Variants in CD163L1 observed in about 807,000 individuals in gnomAD.
CD163L1 encodes CD163 molecule like 1.
Under a neutral mutation model 165.4 loss-of-function variants are expected in CD163L1, and 124 were observed. That is an observed-to-expected ratio of 0.75 (90% CI 0.65 to 0.87). The LOEUF (loss-of-function observed/expected upper bound fraction) is 0.87. CD163L1 is among the 40% of genes least tolerant of loss of function. CD163L1 has a pLI of 0.00. For synonymous variants in CD163L1, 585 were observed against 662.2 expected (o/e 0.88, Z 1.79); for missense variants, 1,525 against 1,799.9 (o/e 0.85, Z 2.76).
At chr12:7,336,686 CACAA>C in the CD163L1 span, among the ~76,000 whole-genome samples, 3 of 151,800 alleles carry the variant, frequency 2.0e-5, no homozygotes, top group African/African-American at 7.3e-5. Context: ...AAAAAGAGGA[CACAA>C]ACAAATGGAA....
At chr12:7,421,051 ATATACG>A (rs1378772376) in intron 4 of CD163L1, among the ~76,000 whole-genome samples, 2 of 95,318 alleles carry the variant, frequency 2.1e-5, no homozygotes, top group Admixed American at 2.4e-4. Flanking sequence ...ATATATATGT[ATATACG>A]TATATATGTA....
chr12:7,345,515 T>C (rs1007622605), downstream of CD163L1, among the ~76,000 whole-genome samples: 1 of 152,248 alleles, frequency 6.6e-6, no homozygotes, highest in Non-Finnish European at 1.5e-5. Context: ...TCACAACCAT[T>C]TAACCAGTCT....
At chr12:7,419,027 A>G (rs1045416249) in intron 4 of CD163L1, among the ~76,000 whole-genome samples, 1 of 152,040 alleles carries the variant, frequency 6.6e-6, no homozygotes, top group Non-Finnish European at 1.5e-5. Flanking sequence ...CATCCTGTGA[A>G]GCCAGTATCA....
At chr12:7,381,690 TG>T (rs1947412151) in intron 8 of CD163L1, among the ~76,000 whole-genome samples, 3 of 152,090 alleles carry the variant, frequency 2.0e-5, no homozygotes, top group African/African-American at 7.2e-5. Context: ...TATAATTTTG[TG>T]TGTGGTGGTG....
chr12:7,352,558 G>A (rs141706373), downstream of CD163L1, among the ~76,000 whole-genome samples: 2 of 152,232 alleles, frequency 1.3e-5, no homozygotes, highest in Non-Finnish European at 2.9e-5. Context: ...CTTAGAATAT[G>A]TTCCCTGACA....
chr12:7,393,507 T>C (rs543199247), intron 8 of CD163L1, among the ~76,000 whole-genome samples: 3 of 152,306 alleles, frequency 2.0e-5, no homozygotes, highest in South Asian at 2.1e-4. Context: ...CTTTGAAAAC[T>C]GGCACAAGAC....
rs1284392945 is a variant in CD163L1, at chr12:7,374,514, A to C, written c.3337T>G (p.Trp1113Gly). 5.6e-6 allele frequency: 9 copies of C among 1,614,194 alleles called. No individual in the cohort carries two copies. In the South Asian group the frequency reaches 9.9e-5, roughly 18 times the overall value. ...LNCTGMESHL[W>G]QCPSRGWGQH... ...CCCCAGCCGCGGGAAGGGCACTGCC[A>C]CAAGTGGGACTCCATTCCTGTGCAG... The change falls in exon 13 of 20, where the codon TGG becomes GGG. Residue 1113 changes from tryptophan (W) to glycine (G), a missense_variant. By Grantham distance (184) the Trp-to-Gly change is radical (BLOSUM62 -2). Coordinates refer to ENST00000313599, the MANE Select transcript of CD163L1 (RefSeq NM_174941.6). This position sits in a 1 kb window ranked among gnomAD's most constrained non-coding sequence, Gnocchi z 5.4.
At chr12:7,330,258 T>C in the CD163L1 span, among the ~76,000 whole-genome samples, 2 of 152,226 alleles carry the variant, frequency 1.3e-5, 1 homozygote, top group South Asian at 4.1e-4. Context: ...TATATTCCTA[T>C]GTTCACTAGC....
At chr12:7,326,913 G>C in the CD163L1 span, 1 of 1,499,922 alleles carries the variant, frequency 6.7e-7, no homozygotes, top group Admixed American at 2.4e-5. Flanking sequence ...TTCAGCATTT[G>C]TTGCAAATCC....
intron 14 of CD163L1, among the ~76,000 whole-genome samples, chr12:7,371,567 CTT>C (rs1947146620): frequency 6.6e-6 from 1 of 151,678 alleles, no homozygotes; most frequent in Non-Finnish European, 1.5e-5. Flanking sequence ...TAAATTAAAA[CTT>C]AAGATAGTTG....
At chr12:7,370,047 C>G (rs1173479504) in intron 14 of CD163L1, among the ~76,000 whole-genome samples, 1 of 152,218 alleles carries the variant, frequency 6.6e-6, no homozygotes, top group Non-Finnish European at 1.5e-5. Flanking sequence ...GTTCATTTGG[C>G]TCAAGTTTGA....
At chr12:7,321,510 C>T in the CD163L1 span, among the ~76,000 whole-genome samples, 1 of 152,238 alleles carries the variant, frequency 6.6e-6, no homozygotes, top group East Asian at 1.9e-4. Context: ...TGGATCTTCT[C>T]TTTTCCTAGT....
chr12:7,412,066 C>T (rs1330152495), intron 4 of CD163L1, among the ~76,000 whole-genome samples: 11 of 152,120 alleles, frequency 7.2e-5, no homozygotes, highest in Admixed American at 5.9e-4. Flanking sequence ...TAAGTGAGAC[C>T]AAGGAGAAAA....
At chr12:7,379,419 C>T (rs112007354) in intron 8 of CD163L1, 121 bp from the exon 9 acceptor site, 60 of 898,848 alleles carry the variant, frequency 6.7e-5, no homozygotes, top group Non-Finnish European at 8.9e-5. Flanking sequence ...GTTTAGGTCC[C>T]GGCTTCACCA....
Position 7,379,180 on chromosome 12 carries a change from A to G in CD163L1, c.2169T>C (p.Ile723=). The change falls in exon 9 of 20, where the codon ATT becomes ATC. Residue 723 remains isoleucine (I), a synonymous_variant. Transcript: ENST00000313599. The part of the protein sequence containing the change: ...ILCANGWGMN[I]AEVVCRQLEC... ...CAAGTTGCCTGCAAACAACTTCAGC[A>G]ATGTTCATTCCCCAGCCATTAGCAC... is the stretch of plus-strand genomic sequence containing the variant. The G allele has an allele frequency of 6.2e-7, 1 of 1,614,142 alleles. No homozygotes were observed. Among genetic ancestry groups the G allele is most frequent in the Admixed American group, 1.7e-5 (1 of 60,010 alleles).
In CD163L1 at chr12:7,369,891, C is replaced by T. The variant is rs147471434; in HGVS notation, c.3731-226G>A. Among the ~76,000 whole-genome samples, 488 of 152,244 alleles carry T rather than the reference C, an allele frequency of 3.2e-3. 3 individuals are homozygous for T. The highest frequency in any genetic ancestry group is 3.9e-3 in the Non-Finnish European group (265 of 68,008). On this transcript the variant is annotated intron_variant, in intron 14 of 19. Coordinates refer to ENST00000313599, the MANE Select transcript of CD163L1 (RefSeq NM_174941.6). This position sits in a 1 kb window ranked among gnomAD's most constrained non-coding sequence, Gnocchi z 4.9. Reference sequence around the variant, plus strand: ...CACTCAAGGGGTGAAACATCTCCAGCGAGGCCAAACCAGATATTCATTTTC... The same window carrying T: ...CACTCAAGGGGTGAAACATCTCCAGTGAGGCCAAACCAGATATTCATTTTC...
At chr12:7,334,919 G>C in the CD163L1 span, among the ~76,000 whole-genome samples, 1 of 152,096 alleles carries the variant, frequency 6.6e-6, no homozygotes, top group African/African-American at 2.4e-5. Context: ...AAATACCTAG[G>C]AATCCAATTT....
At chr12:7,333,679 T>A in the CD163L1 span, among the ~76,000 whole-genome samples, 8 of 151,886 alleles carry the variant, frequency 5.3e-5, no homozygotes, top group Non-Finnish European at 1.2e-4. Flanking sequence ...AAAAAACCCT[T>A]AAAAAATCAG....
Position 7,369,374 on chromosome 12 carries a change from G to T in CD163L1, c.4022C>A (p.Ala1341Asp), listed in dbSNP as rs1313021481. 3 of 1,613,960 alleles carry T rather than the reference G, an allele frequency of 1.9e-6. No homozygotes were observed. The highest frequency in any genetic ancestry group is 2.5e-6 in the Non-Finnish European group (3 of 1,180,006). ...ACACTTACCAGAGCACCTCACGCCA[G>T]CATCTTCCTTGTGTCCACAGTCACT... Reference protein sequence around the residue: ...GQSDCGHKEDAGVRCSGQSLK... With the variant: ...GQSDCGHKEDDGVRCSGQSLK... The change falls in exon 15 of 20, where the codon GCT (alanine) becomes GAT (aspartate). Residue 1341 changes from alanine to aspartate, a missense_variant. Coordinates refer to ENST00000313599, the MANE Select transcript of CD163L1 (RefSeq NM_174941.6). This position sits in a 1 kb window ranked among gnomAD's most constrained non-coding sequence, Gnocchi z 4.9.
Sources: allele counts gnomAD v4.1 joint callset (sites outside exome capture counted in the v4.1 genomes callset), GRCh38; gene constraint gnomAD v4.1.1; non-coding constraint Gnocchi (gnomAD v3.1); transcripts MANE v1.5; gene names NCBI Gene and HGNC (gene_info 2026-07-23, HGNC 2026-07-21).